SIPA1L2: variants seen among roughly 807,000 people sequenced by gnomAD.
The protein encoded by SIPA1L2 is signal induced proliferation associated 1 like 2.
In SIPA1L2, 56 loss-of-function variants were observed where a neutral mutation model predicts 163.9. The ratio of observed to expected loss-of-function variants is 0.34; its 90% CI spans 0.28 to 0.43. The LOEUF is 0.43. Among genes scored for constraint, SIPA1L2 ranks in the 20% least tolerant of loss-of-function variants. SIPA1L2 has a pLI of 1.00. For missense variants in SIPA1L2, 1,974 were observed against 2,193.5 expected, an observed-to-expected ratio of 0.90 and a Z score of 2.00; for synonymous variants, 877 against 865.7, an observed-to-expected ratio of 1.01 and a Z score of -0.23.
chr1:232,546,133 G>A (rs1658018203), intron 2 of SIPA1L2, among the ~76,000 whole-genome samples: 1 of 152,204 alleles, frequency 6.6e-6, no homozygotes, highest in South Asian at 2.1e-4. Flanking sequence ...GAGTGATTTG[G>A]ATAGATAAAT....
At chr1:232,445,887 T>C (rs1164745317) in intron 10 of SIPA1L2, 101 bp from the exon 11 acceptor site, 3 of 1,354,782 alleles carry the variant, frequency 2.2e-6, no homozygotes, top group African/African-American at 2.9e-5. Context: ...ACATGGTGTG[T>C]GCCTCTCCCG....
rs1025032163 is a variant in SIPA1L2, at chr1:232,413,354, C to T, written c.4762+2140G>A. On this transcript the variant is annotated intron_variant, in intron 19 of 22. Coordinates refer to ENST00000674635, the MANE Select transcript of SIPA1L2 (RefSeq NM_020808.5). ...ATGGCTGAAGTTATGACCGAAATCC[C>T]TAAATTGATCATTCAGTCCATGCAC... 5.3e-5 allele frequency among the ~76,000 whole-genome samples: 8 copies of T among 152,288 alleles called. No individual in the cohort carries two copies. The East Asian group carries it at 1.5e-3, about 29-fold the overall frequency.
chr1:232,562,422 G>C (rs1659093265), intron 2 of SIPA1L2, among the ~76,000 whole-genome samples: 1 of 152,134 alleles, frequency 6.6e-6, no homozygotes. Context: ...GCTTTAAAAA[G>C]TCAAAGCTAC....
intron 2 of SIPA1L2, among the ~76,000 whole-genome samples, chr1:232,520,986 C>T (rs1667435958): frequency 6.6e-6 from 1 of 152,212 alleles, no homozygotes; most frequent in Admixed American, 6.5e-5. Flanking sequence ...TGATAAGTAG[C>T]TACTATTAAA....
At chr1:232,515,738 T>G (rs1573013398) in intron 2 of SIPA1L2, 130 bp from the exon 3 acceptor site, 1 of 171,946 alleles carries the variant, frequency 5.8e-6, no homozygotes, top group Non-Finnish European at 1.3e-5. Flanking sequence ...ACAGCACTGT[T>G]CGTAACACTC....
chr1:232,551,677 G>C (rs1375334885), intron 2 of SIPA1L2, among the ~76,000 whole-genome samples: 2 of 152,226 alleles, frequency 1.3e-5, no homozygotes, highest in East Asian at 3.8e-4. Flanking sequence ...GAGAGCAGGA[G>C]GGCGGAAGGG....
intron 2 of SIPA1L2, among the ~76,000 whole-genome samples, chr1:232,544,288 G>A (rs1657884808): frequency 2.0e-5 from 3 of 152,320 alleles, no homozygotes; most frequent in South Asian, 2.1e-4. Context: ...GCGGCCGGGC[G>A]CAATGGCTCA....
chr1:232,430,129 C>T (rs1662142753), intron 16 of SIPA1L2, among the ~76,000 whole-genome samples: 1 of 152,148 alleles, frequency 6.6e-6, no homozygotes, highest in African/African-American at 2.4e-5. Context: ...AGGGGGCTTG[C>T]ACAGGACCTC....
rs775412931 is a variant in SIPA1L2, at chr1:232,415,494, C to T, written c.4762G>A (p.Gly1588Ser). 1 of 1,607,512 alleles carries T rather than the reference C, an allele frequency of 6.2e-7. No individual in the cohort carries two copies. Among genetic ancestry groups the T allele is most frequent in the Non-Finnish European group, 8.5e-7 (1 of 1,177,384 alleles). Residue 1588 changes from glycine to serine, a missense_variant and splice_region_variant, in exon 19 of 23, where the codon GGT becomes AGT. Gly to Ser is a moderately conservative substitution (Grantham distance 56, BLOSUM62 0). This residue lies in a region of SIPA1L2 where 1,079 missense variants were observed against 1,150.7 expected (regional missense o/e 0.94). Transcript: ENST00000674635. ...HLVDAARAFE[G>S]LDSDEELGLL... The stretch of plus-strand genomic sequence containing the variant: ...AGGCCAGAGGCTGGTGAGTCTTTAC[C>T]TTCAAATGCCCGTGCAGCATCCACG...
At chr1:232,594,145 C>T (rs549468852) in intron 1 of SIPA1L2, among the ~76,000 whole-genome samples, 18 of 152,340 alleles carry the variant, frequency 1.2e-4, no homozygotes, top group African/African-American at 3.8e-4. Flanking sequence ...GATGACCTCA[C>T]TCTATCTGCC....
At chr1:232,601,503 G>A (rs1322050544) in intron 1 of SIPA1L2, among the ~76,000 whole-genome samples, 1 of 152,214 alleles carries the variant, frequency 6.6e-6, no homozygotes, top group Non-Finnish European at 1.5e-5. Context: ...TCATCAAGAT[G>A]TCTTCTTTGA....
rs1659956851 is a variant in SIPA1L2 at position 232,574,223 on chromosome 1, C to G, written c.-318-1G>C. Among the ~76,000 whole-genome samples, 1 of 152,194 alleles carries G rather than the reference C, an allele frequency of 6.6e-6. No individual in the cohort carries two copies. The highest frequency in any genetic ancestry group is 1.5e-5 in the Non-Finnish European group (1 of 68,026). Reference sequence around the variant, plus strand: ...CCTGCTCACACAGCCTGGCAAGAACCTACAAATGAAGAAAGAGACCCATTC... The same window carrying G: ...CCTGCTCACACAGCCTGGCAAGAACGTACAAATGAAGAAAGAGACCCATTC... On this transcript the variant is annotated splice_acceptor_variant, in intron 1 of 22. Coordinates refer to ENST00000674635, the MANE Select transcript of SIPA1L2 (RefSeq NM_020808.5). LOFTEE classifies it low-confidence loss of function (5UTR_SPLICE).
intron 19 of SIPA1L2, among the ~76,000 whole-genome samples, chr1:232,408,201 C>T (rs1309556718): frequency 2.0e-5 from 3 of 152,026 alleles, no homozygotes; most frequent in Admixed American, 6.6e-5. Context: ...AAATGTGACT[C>T]CGCCAGCTTT....
chr1:232,516,811 C>T (rs144696556), intron 2 of SIPA1L2, among the ~76,000 whole-genome samples: 117 of 152,174 alleles, frequency 7.7e-4, no homozygotes, highest in African/African-American at 2.7e-3. Flanking sequence ...ATTAATATTC[C>T]TTATGCTTTG....
chr1:232,525,401 A>ATT (rs59155660), intron 2 of SIPA1L2, among the ~76,000 whole-genome samples: 18 of 127,668 alleles, frequency 1.4e-4, no homozygotes, highest in East Asian at 1.0e-3. Context: ...AAGCCTGGCT[A>ATT]TTTTTTTTTT....
chr1:232,522,140 G>A (rs1440596771), intron 2 of SIPA1L2, among the ~76,000 whole-genome samples: 1 of 152,022 alleles, frequency 6.6e-6, no homozygotes, highest in Non-Finnish European at 1.5e-5. Flanking sequence ...TGACTGCCAC[G>A]ACCAGAGTTA....
rs777975982 is a variant in SIPA1L2, at chr1:232,471,489, T to A, written c.2125A>T (p.Ile709Phe). ...AGTGCCCCAGGCTCCTGGAAGACGATGGTGACGATGTCATTTCCTATGTGC... is the reference window on the plus strand; with the variant it reads ...AGTGCCCCAGGCTCCTGGAAGACGAAGGTGACGATGTCATTTCCTATGTGC... ...KRHIGNDIVTIVFQEPGALPF... is the reference protein window; with the variant it reads ...KRHIGNDIVTFVFQEPGALPF... The change falls in exon 8 of 23, where the codon ATC becomes TTC. Residue 709 changes from isoleucine (I) to phenylalanine (F), a missense_variant. Ile to Phe is a conservative substitution (Grantham distance 21). Transcript: ENST00000674635. 1 of 1,613,922 alleles carries A rather than the reference T, an allele frequency of 6.2e-7. No individual in the cohort carries two copies. The highest frequency in any genetic ancestry group is 8.5e-7 in the Non-Finnish European group (1 of 1,179,948).
At chr1:232,497,944 A>G (rs745700235) in intron 3 of SIPA1L2, among the ~76,000 whole-genome samples, 5 of 152,150 alleles carry the variant, frequency 3.3e-5, no homozygotes, top group Non-Finnish European at 7.4e-5. Context: ...GGTCTAGGGA[A>G]GCACACTCCA....
At chr1:232,549,378 T>C (rs555036614) in intron 2 of SIPA1L2, among the ~76,000 whole-genome samples, 3 of 152,340 alleles carry the variant, frequency 2.0e-5, no homozygotes, top group African/African-American at 7.2e-5. Flanking sequence ...AGTGGTTTTC[T>C]CTAATTAATC....
Sources: gnomAD v4.1 joint callset for allele counts (sites outside exome capture counted in the v4.1 genomes callset) on GRCh38, gnomAD v4.1.1 for gene constraint, gnomAD v4.1.1 regional missense constraint, MANE v1.5 for transcripts, NCBI Gene and HGNC (gene_info 2026-07-23, HGNC 2026-07-21) for gene names.